FRMPD4: variants seen among roughly 807,000 people sequenced by gnomAD.
The protein encoded by FRMPD4 is FERM and PDZ domain containing 4.
FRMPD4 carries 22 observed loss-of-function variants against 94.1 expected under a neutral mutation model. That is an observed-to-expected ratio of 0.23 (90% confidence interval 0.17 to 0.33). The LOEUF (loss-of-function observed/expected upper bound fraction) is 0.33, where lower values mean the gene tolerates loss of function less well. Among genes scored for constraint, FRMPD4 ranks in the 10% least tolerant of loss-of-function variants. The pLI, the probability that FRMPD4 is intolerant of heterozygous loss-of-function variation, is 1.00. For synonymous variants in FRMPD4, 631 were observed against 548.6 expected, an observed-to-expected ratio of 1.15 and a Z score of -2.10; for missense variants, 1,111 against 1,339.9, an observed-to-expected ratio of 0.83 and a Z score of 2.67.
chrX:12,032,984 A>G (rs761905576), intron 3 of FRMPD4, among the ~76,000 whole-genome samples: 1 of 111,937 alleles, frequency 8.9e-6, no homozygotes, highest in East Asian at 2.8e-4. Flanking sequence ...ATTGGGAAAG[A>G]GATATTACCA....
intron 13 of FRMPD4, among the ~76,000 whole-genome samples, chrX:12,709,511 C>G (rs182777654): frequency 1.8e-5 from 2 of 111,556 alleles, no homozygotes; most frequent in East Asian, 5.6e-4. Context: ...TTTAGTGAGG[C>G]CTTTTCTCAA....
chrX:12,253,639 A>G (rs1168842265), intron 1 of FRMPD4, among the ~76,000 whole-genome samples: 1 of 112,006 alleles, frequency 8.9e-6, no homozygotes, highest in Non-Finnish European at 1.9e-5. Context: ...TTTTTAGTTA[A>G]AATAATTGGA....
chrX:12,628,428 C>T (rs1471161992), intron 4 of FRMPD4, among the ~76,000 whole-genome samples: 1 of 111,774 alleles, frequency 8.9e-6, no homozygotes, highest in Non-Finnish European at 1.9e-5. Flanking sequence ...CAACATGTCA[C>T]CCCTTGTTCA....
intron 1 of FRMPD4, among the ~76,000 whole-genome samples, chrX:12,180,093 G>A (rs2056341450): frequency 9.0e-6 from 1 of 111,011 alleles, no homozygotes; most frequent in Non-Finnish European, 1.9e-5. Context: ...TGCTTAGAGA[G>A]AATGGAGACT....
chrX:12,254,770 T>A (rs2054091981), intron 1 of FRMPD4, among the ~76,000 whole-genome samples: 2 of 111,928 alleles, frequency 1.8e-5, no homozygotes. Context: ...ACTGTAGCAG[T>A]AGTTTTCCAA....
At chrX:12,224,323 A>G (rs1024324382) in intron 1 of FRMPD4, among the ~76,000 whole-genome samples, 24 of 110,913 alleles carry the variant, frequency 2.2e-4, no homozygotes, top group Non-Finnish European at 4.2e-4. Flanking sequence ...ATAATGGCTC[A>G]CTGCAACCTC....
intron 1 of FRMPD4, among the ~76,000 whole-genome samples, chrX:12,167,600 T>C (rs1327094650): frequency 1.8e-5 from 2 of 111,690 alleles, no homozygotes; most frequent in Admixed American, 1.9e-4. Context: ...TTTTAATGAC[T>C]TCTTATGCAA....
chrX:12,602,309 C>T (rs2059092070), intron 2 of FRMPD4, among the ~76,000 whole-genome samples: 1 of 111,316 alleles, frequency 9.0e-6, no homozygotes, highest in Non-Finnish European at 1.9e-5. Flanking sequence ...TGTTAGGCCC[C>T]CTTCCAGGCC....
intron 1 of FRMPD4, among the ~76,000 whole-genome samples, chrX:11,863,806 C>G (rs1807975411): frequency 1.8e-5 from 2 of 112,036 alleles, no homozygotes; most frequent in South Asian, 7.4e-4. Context: ...CCCTCAGTAT[C>G]CTTTCAATAC....
intron 3 of FRMPD4, among the ~76,000 whole-genome samples, chrX:11,987,510 C>CA (rs777799923): frequency 1.8e-5 from 2 of 111,409 alleles, no homozygotes; most frequent in South Asian, 3.8e-4. Flanking sequence ...AGATCTGGAA[C>CA]ATGACAAAGG....
At chrX:12,418,710 T>C (rs1284522124) in intron 1 of FRMPD4, among the ~76,000 whole-genome samples, 1 of 111,337 alleles carries the variant, frequency 9.0e-6, no homozygotes, top group East Asian at 2.8e-4. Context: ...TGTGACAAGG[T>C]TGAGATAAGC....
At chrX:12,236,073 A>G (rs1056089082) in intron 1 of FRMPD4, among the ~76,000 whole-genome samples, 11 of 111,634 alleles carry the variant, frequency 9.9e-5, no homozygotes, top group African/African-American at 2.9e-4. Context: ...AACCAGTGCC[A>G]TCAGATTCTC....
intron 2 of FRMPD4, among the ~76,000 whole-genome samples, chrX:12,529,581 G>C (rs867854806): frequency 1.8e-5 from 2 of 111,858 alleles, no homozygotes; most frequent in Non-Finnish European, 3.8e-5. Context: ...TAGTCACTGA[G>C]GTACAACTAG....
At chrX:12,217,635 T>C (rs1332213873) in intron 1 of FRMPD4, among the ~76,000 whole-genome samples, 4 of 112,402 alleles carry the variant, frequency 3.6e-5, no homozygotes, top group Admixed American at 9.4e-5. Flanking sequence ...CCCACTCTTA[T>C]AAAATTTTCC....
intron 1 of FRMPD4, among the ~76,000 whole-genome samples, chrX:11,854,272 G>C (rs1393759386): frequency 9.0e-6 from 1 of 111,575 alleles, no homozygotes. Flanking sequence ...AGGGGATTAT[G>C]GGAACTACAA....
At chrX:12,371,154 C>A (rs959682970) in intron 1 of FRMPD4, among the ~76,000 whole-genome samples, 14 of 112,790 alleles carry the variant, frequency 1.2e-4, no homozygotes, top group African/African-American at 4.5e-4. Context: ...TCACCCCCTT[C>A]TCTATTTGAA....
chrX:12,013,492 C>T (rs1569142603), intron 3 of FRMPD4, among the ~76,000 whole-genome samples: 1 of 112,501 alleles, frequency 8.9e-6, no homozygotes. Context: ...AGTCTGCTGA[C>T]TCATGTTTAG....
intron 3 of FRMPD4, among the ~76,000 whole-genome samples, chrX:11,947,915 G>A (rs1002332108): frequency 6.6e-5 from 6 of 91,564 alleles, no homozygotes; most frequent in African/African-American, 1.4e-4. Context: ...GAGAAACCCC[G>A]TCTCTATTTA....
intron 3 of FRMPD4, among the ~76,000 whole-genome samples, chrX:12,085,845 G>A (rs755494935): frequency 1.8e-5 from 2 of 111,742 alleles, no homozygotes; most frequent in Admixed American, 1.9e-4. Context: ...CTCCAGCATG[G>A]GCAACAGAGC....
Sources: allele counts gnomAD v4.1 joint callset (sites outside exome capture counted in the v4.1 genomes callset), GRCh38; gene constraint gnomAD v4.1.1; transcripts MANE v1.5; gene names NCBI Gene and HGNC (gene_info 2026-07-23, HGNC 2026-07-21).